Variants in ERC2 observed in about 807,000 individuals in gnomAD.
The protein encoded by ERC2 is ELKS/RAB6-interacting/CAST family member 2, also known as ERC protein 2.
Under a neutral mutation model 114.8 loss-of-function variants are expected in ERC2, and 42 were observed. That is an observed-to-expected ratio of 0.37 (90% CI 0.29 to 0.47). The LOEUF is 0.47. Ranked by LOEUF, ERC2 falls within the 20% of genes least tolerant of loss-of-function variation. ERC2 has a pLI of 0.99. For synonymous variants in ERC2, 454 were observed against 425.5 expected, an observed-to-expected ratio of 1.07 and a Z score of -0.82; for missense variants, 939 against 1,150.7, an observed-to-expected ratio of 0.82 and a Z score of 2.66.
At chr3:56,308,746 T>C (rs1271670529) in intron 2 of ERC2, among the ~76,000 whole-genome samples, 1 of 152,122 alleles carries the variant, frequency 6.6e-6, no homozygotes, top group African/African-American at 2.4e-5. Flanking sequence ...GAAAACCGTC[T>C]CCAAGCTATA....
chr3:55,819,072 G>A (rs148375457), intron 14 of ERC2, among the ~76,000 whole-genome samples: 1 of 152,144 alleles, frequency 6.6e-6, no homozygotes, highest in Non-Finnish European at 1.5e-5. Context: ...TTCTCTGCTG[G>A]GCATTTTCGG....
chr3:56,397,574 AC>A (rs1400615722), intron 2 of ERC2, among the ~76,000 whole-genome samples: 1 of 152,096 alleles, frequency 6.6e-6, no homozygotes, highest in Non-Finnish European at 1.5e-5. Context: ...AGTTAACAAC[AC>A]CTTATTATTT....
At chr3:56,242,187 G>T (rs942572898) in intron 3 of ERC2, among the ~76,000 whole-genome samples, 3 of 149,124 alleles carry the variant, frequency 2.0e-5, no homozygotes, top group Non-Finnish European at 4.4e-5. Context: ...TTGGATGGAG[G>T]CCATTTTTCT....
intron 15 of ERC2, among the ~76,000 whole-genome samples, chr3:55,731,302 G>C (rs2148911566): frequency 6.6e-6 from 1 of 152,308 alleles, no homozygotes; most frequent in East Asian, 1.9e-4. Flanking sequence ...TTGCAAAGCA[G>C]TAATGATGAA....
At chr3:55,824,179 G>A (rs1252118193) in intron 14 of ERC2, among the ~76,000 whole-genome samples, 1 of 152,180 alleles carries the variant, frequency 6.6e-6, no homozygotes, top group Admixed American at 6.5e-5. Flanking sequence ...CACAGTCATA[G>A]TCTGAGAGAC....
At chr3:56,063,331 T>C (rs949912530) in intron 7 of ERC2, among the ~76,000 whole-genome samples, 2 of 152,194 alleles carry the variant, frequency 1.3e-5, no homozygotes, top group Admixed American at 1.3e-4. Context: ...CATAGAACTG[T>C]ACACCACAAA....
At chr3:55,909,945 T>G (rs1204611676) in intron 13 of ERC2, among the ~76,000 whole-genome samples, 1 of 152,212 alleles carries the variant, frequency 6.6e-6, no homozygotes, top group African/African-American at 2.4e-5. Flanking sequence ...AAGGCCTCAT[T>G]TGTTTGAGGA....
At chr3:56,104,071 T>C (rs563283605) in intron 6 of ERC2, among the ~76,000 whole-genome samples, 2 of 152,224 alleles carry the variant, frequency 1.3e-5, no homozygotes, top group Non-Finnish European at 2.9e-5. Context: ...AACTGGATCT[T>C]CTTTAATGAG....
At chr3:56,213,222 C>T (rs964582393) in intron 3 of ERC2, among the ~76,000 whole-genome samples, 1 of 152,172 alleles carries the variant, frequency 6.6e-6, no homozygotes, top group African/African-American at 2.4e-5. Flanking sequence ...CGAGGCATCA[C>T]CTCACCCAGG....
chr3:56,269,421 G>A (rs1037227127), intron 3 of ERC2, among the ~76,000 whole-genome samples: 2 of 152,176 alleles, frequency 1.3e-5, no homozygotes, highest in Non-Finnish European at 2.9e-5. Flanking sequence ...TCATGGGTGA[G>A]TCTGCTCAGA....
chr3:56,320,941 G>C (rs1199464955), intron 2 of ERC2, among the ~76,000 whole-genome samples: 1 of 152,118 alleles, frequency 6.6e-6, no homozygotes, highest in African/African-American at 2.4e-5. Flanking sequence ...GCCCATTGTA[G>C]CCCCTCAATG....
chr3:56,121,438 T>C (rs1194967769), intron 6 of ERC2, among the ~76,000 whole-genome samples: 1 of 152,198 alleles, frequency 6.6e-6, no homozygotes, highest in Non-Finnish European at 1.5e-5. Context: ...AGATGTATTA[T>C]TTCAAAAGTA....
intron 7 of ERC2, among the ~76,000 whole-genome samples, chr3:56,069,650 G>A (rs1419503561): frequency 6.6e-6 from 1 of 152,152 alleles, no homozygotes; most frequent in Non-Finnish European, 1.5e-5. Flanking sequence ...GTCCATCTTA[G>A]AATTCTATCT....
chr3:55,960,066 A>T (rs890991686), intron 12 of ERC2, among the ~76,000 whole-genome samples: 1 of 152,140 alleles, frequency 6.6e-6, no homozygotes, highest in African/African-American at 2.4e-5. Context: ...CCACCATCAC[A>T]TTTTGCCTGG....
chr3:55,848,860 A>G (rs979599123), intron 14 of ERC2, among the ~76,000 whole-genome samples: 22 of 152,106 alleles, frequency 1.4e-4, no homozygotes, highest in African/African-American at 4.8e-4. Context: ...CTTAGTCACT[A>G]TTTCATTCTT....
At chr3:55,554,742 C>T (rs1352110047) in intron 17 of ERC2, among the ~76,000 whole-genome samples, 1 of 152,216 alleles carries the variant, frequency 6.6e-6, no homozygotes, top group South Asian at 2.1e-4. Flanking sequence ...CCCCCTTCCC[C>T]GTGCTGCAAG....
At chr3:55,758,761 C>T (rs915371001) in intron 14 of ERC2, among the ~76,000 whole-genome samples, 1 of 152,134 alleles carries the variant, frequency 6.6e-6, no homozygotes. Context: ...AACCAACTCC[C>T]TGCAAAAAGC....
intron 7 of ERC2, among the ~76,000 whole-genome samples, chr3:56,047,818 C>A (rs1432539150): frequency 6.6e-6 from 1 of 152,144 alleles, no homozygotes; most frequent in Non-Finnish European, 1.5e-5. Context: ...GCAAGAGGGG[C>A]CACTTGCACC....
intron 3 of ERC2, among the ~76,000 whole-genome samples, chr3:56,214,195 G>C (rs535902953): frequency 6.6e-6 from 1 of 152,176 alleles, no homozygotes; most frequent in African/African-American, 2.4e-5. Flanking sequence ...AAACTTCTCC[G>C]AGCTAAAGGA....
Sources: gnomAD v4.1 joint callset for allele counts (sites outside exome capture counted in the v4.1 genomes callset) on GRCh38, gnomAD v4.1.1 for gene constraint, MANE v1.5 for transcripts, NCBI Gene and HGNC (gene_info 2026-07-23, HGNC 2026-07-21) for gene names.